Variants in SULF2 observed in about 807,000 individuals in gnomAD.
SULF2 encodes the protein extracellular sulfatase Sulf-2.
A neutral mutation model predicts 107.7 loss-of-function variants in SULF2; 52 were observed. The observed-to-expected ratio is 0.48, with a 90% confidence interval of 0.39 to 0.61. SULF2 has a LOEUF of 0.61. Ranked by LOEUF, SULF2 falls within the 20% of genes least tolerant of loss-of-function variation. The pLI, the probability that SULF2 is intolerant of heterozygous loss-of-function variation, is 0.00. For synonymous variants in SULF2, 460 were observed against 464.3 expected (o/e 0.99, Z 0.12); for missense variants, 993 against 1,177.3 (o/e 0.84, Z 2.29).
intron 1 of SULF2, among the ~76,000 whole-genome samples, chr20:47,767,017 GCAAA>G (rs2090541010): frequency 6.6e-6 from 1 of 152,072 alleles, no homozygotes; most frequent in Admixed American, 6.5e-5. Context: ...ACAGAGGTAA[GCAAA>G]CAGCCTGATA....
intron 2 of SULF2, among the ~76,000 whole-genome samples, chr20:47,745,874 A>C (rs2090024316): frequency 6.6e-6 from 1 of 152,224 alleles, no homozygotes; most frequent in Non-Finnish European, 1.5e-5. Flanking sequence ...GGAGTTAAAA[A>C]ACGGAGTCCC....
At chr20:47,774,159 T>C (rs2090682949) in intron 1 of SULF2, among the ~76,000 whole-genome samples, 1 of 152,330 alleles carries the variant, frequency 6.6e-6, no homozygotes, top group South Asian at 2.1e-4. Flanking sequence ...TGGAGTGCCT[T>C]TGGAACGACA....
At chr20:47,705,306 C>T (rs77429971) in intron 3 of SULF2, among the ~76,000 whole-genome samples, 9,681 of 152,208 alleles carry the variant, frequency 0.064, 317 homozygotes, top group Middle Eastern at 0.078. Context: ...CAAAAATAAA[C>T]GGGAAGAACC....
chr20:47,736,997 C>T, intron 2 of SULF2, 55 bp from the exon 3 acceptor site: 1 of 1,606,220 alleles, frequency 6.2e-7, no homozygotes, highest in South Asian at 1.1e-5. Flanking sequence ...GCGGCACCGG[C>T]ACCAGGGGGC....
chr20:47,769,089 G>A (rs1008492258), intron 1 of SULF2, among the ~76,000 whole-genome samples: 4 of 151,672 alleles, frequency 2.6e-5, no homozygotes, highest in Non-Finnish European at 4.4e-5. Context: ...GCCCAGGCTG[G>A]AGTGCAGTAG....
intron 2 of SULF2, among the ~76,000 whole-genome samples, chr20:47,753,817 C>G (rs576975278): frequency 6.6e-6 from 1 of 152,202 alleles, no homozygotes; most frequent in African/African-American, 2.4e-5. Context: ...AATCAGTAAA[C>G]CCTGGCAGAG....
At chr20:47,752,772 A>G (rs2090187436) in intron 2 of SULF2, among the ~76,000 whole-genome samples, 1 of 151,838 alleles carries the variant, frequency 6.6e-6, no homozygotes, top group Admixed American at 6.6e-5. Context: ...ACAAATAAAA[A>G]TAAAGATGTT....
At chr20:47,689,729 C>T (rs1219708080) in intron 5 of SULF2, 2 of 160,402 alleles carry the variant, frequency 1.2e-5, no homozygotes, top group Admixed American at 6.5e-5. Context: ...CTTAGCACAG[C>T]ACCTGCTACA....
intron 20 of SULF2, among the ~76,000 whole-genome samples, chr20:47,659,008 G>T (rs1294596274): frequency 6.6e-6 from 1 of 152,182 alleles, no homozygotes; most frequent in Non-Finnish European, 1.5e-5. Flanking sequence ...ACTGGAGTGA[G>T]AGTTTGTAGC....
At chr20:47,779,570 T>C (rs1414033685) in intron 1 of SULF2, among the ~76,000 whole-genome samples, 1 of 152,172 alleles carries the variant, frequency 6.6e-6, no homozygotes, top group East Asian at 1.9e-4. Context: ...AATCATATCA[T>C]TCTCTGACTT....
intron 3 of SULF2, among the ~76,000 whole-genome samples, chr20:47,728,588 G>T (rs1285591347): frequency 6.6e-6 from 1 of 152,186 alleles, no homozygotes; most frequent in African/African-American, 2.4e-5. Flanking sequence ...GCACTCTCTA[G>T]GCCTGGCAAC....
chr20:47,727,834 A>C (rs1158069172), intron 3 of SULF2, among the ~76,000 whole-genome samples: 1 of 152,218 alleles, frequency 6.6e-6, no homozygotes, highest in Non-Finnish European at 1.5e-5. Context: ...GGCGGAGTCT[A>C]ATTCTTTAGA....
chr20:47,775,454 T>A (rs2090707649), intron 1 of SULF2, among the ~76,000 whole-genome samples: 1 of 152,166 alleles, frequency 6.6e-6, no homozygotes, highest in Admixed American at 6.6e-5. Context: ...CACAGAATCG[T>A]CCAAAATAAA....
intron 1 of SULF2, among the ~76,000 whole-genome samples, chr20:47,779,241 G>A (rs1207094192): frequency 6.6e-6 from 1 of 152,206 alleles, no homozygotes; most frequent in Non-Finnish European, 1.5e-5. Context: ...CTACCCTCTA[G>A]ATGCCAGTAG....
At chr20:47,728,670 GTC>G (rs2089514279) in intron 3 of SULF2, among the ~76,000 whole-genome samples, 1 of 152,094 alleles carries the variant, frequency 6.6e-6, no homozygotes, top group Admixed American at 6.5e-5. Context: ...TTGAGATAGA[GTC>G]TCATTCTGTC....
chr20:47,768,485 G>A (rs113841768), intron 1 of SULF2, among the ~76,000 whole-genome samples: 19 of 152,328 alleles, frequency 1.2e-4, no homozygotes, highest in Non-Finnish European at 1.6e-4. Context: ...ATTGGGGGGC[G>A]GGCTGGAGGC....
chr20:47,758,537 G>T (rs2090347755), intron 1 of SULF2, among the ~76,000 whole-genome samples: 1 of 152,128 alleles, frequency 6.6e-6, no homozygotes, highest in African/African-American at 2.4e-5. Flanking sequence ...AAGGTGGAGG[G>T]GGAAGACCTG....
chr20:47,768,765 A>T (rs1448608610), intron 1 of SULF2, among the ~76,000 whole-genome samples: 1 of 152,180 alleles, frequency 6.6e-6, no homozygotes, highest in Non-Finnish European at 1.5e-5. Flanking sequence ...CTGTCCCTGA[A>T]GCAGGCCCTG....
intron 1 of SULF2, among the ~76,000 whole-genome samples, chr20:47,760,883 C>T (rs2090403836): frequency 6.6e-6 from 1 of 152,226 alleles, no homozygotes; most frequent in East Asian, 1.9e-4. Flanking sequence ...CAGCCAGAGC[C>T]ACTGCGGCAA....
Sources: gnomAD v4.1 joint callset for allele counts (sites outside exome capture counted in the v4.1 genomes callset) on GRCh38, gnomAD v4.1.1 for gene constraint, MANE v1.5 for transcripts, NCBI Gene and HGNC (gene_info 2026-07-23, HGNC 2026-07-21) for gene names.